GRIP1: variants seen among roughly 807,000 people sequenced by gnomAD.
The protein encoded by GRIP1 is glutamate receptor-interacting protein 1.
GRIP1 carries 45 observed loss-of-function variants against 129.9 expected under a neutral mutation model. The ratio of observed to expected loss-of-function variants is 0.35; its 90% CI spans 0.27 to 0.44. The LOEUF is 0.44. GRIP1 is among the 20% of genes least tolerant of loss of function. The pLI is 1.00. For missense variants in GRIP1, 1,196 were observed against 1,396.8 expected (o/e 0.86, Z 2.29); for synonymous variants, 530 against 520.8 (o/e 1.02, Z -0.24).
chr12:66,999,391 T>C (rs184494016), intron 1 of GRIP1, among the ~76,000 whole-genome samples: 202 of 152,268 alleles, frequency 1.3e-3, no homozygotes, highest in Non-Finnish European at 2.5e-3. Context: ...AGAGTCTTAC[T>C]AGTGGGGGTA....
chr12:66,406,762 A>G lies in GRIP1; in HGVS notation c.1839-334T>C, dbSNP rs898548360. 3.3e-5 allele frequency among the ~76,000 whole-genome samples: 5 copies of G among 152,322 alleles called. 1 individual carries two copies. The highest frequency in any genetic ancestry group is 1.9e-4 in the East Asian group (1 of 5,186). On this transcript the variant is annotated intron_variant, in intron 15 of 24. Coordinates refer to ENST00000359742, the MANE Select transcript of GRIP1 (RefSeq NM_001366722.1). Reference sequence around the variant, plus strand: ...GACCCAGGTATCCTTGTCTTTCTCCATATTGTTGTATTACTTTTGATCCTT... The same window carrying G: ...GACCCAGGTATCCTTGTCTTTCTCCGTATTGTTGTATTACTTTTGATCCTT...
intron 1 of GRIP1, chr12:66,892,055 T>C (rs1448157354): frequency 6.6e-6 from 1 of 152,620 alleles, no homozygotes; most frequent in African/African-American, 2.4e-5. Flanking sequence ...ACTCATGGCA[T>C]CTCAGGGGAA....
intron 1 of GRIP1, among the ~76,000 whole-genome samples, chr12:67,017,598 C>T (rs1036167591): frequency 1.3e-5 from 2 of 152,186 alleles, no homozygotes; most frequent in East Asian, 1.9e-4. Flanking sequence ...GGCGGACTCT[C>T]TTTCCCTTGT....
At chr12:66,575,284 C>T (rs975240273) in intron 2 of GRIP1, among the ~76,000 whole-genome samples, 6 of 152,180 alleles carry the variant, frequency 3.9e-5, no homozygotes, top group African/African-American at 1.4e-4. Context: ...GTAGCAAGCA[C>T]AGTTACATCT....
At chr12:66,861,197 T>C (rs763980416) in intron 1 of GRIP1, among the ~76,000 whole-genome samples, 2 of 152,144 alleles carry the variant, frequency 1.3e-5, no homozygotes, top group Admixed American at 6.6e-5. Context: ...TTATAAATCA[T>C]TGGCATTTAA....
chr12:66,410,901 A>G (rs773212086), intron 15 of GRIP1, among the ~76,000 whole-genome samples: 19 of 152,328 alleles, frequency 1.2e-4, no homozygotes, highest in Middle Eastern at 3.4e-3. Flanking sequence ...AAATAACTGA[A>G]ATCATAACAG....
intron 1 of GRIP1, among the ~76,000 whole-genome samples, chr12:66,826,565 T>C (rs150143605): frequency 3.8e-4 from 58 of 152,236 alleles, no homozygotes; most frequent in African/African-American, 1.4e-3. Context: ...TGTTATTTTA[T>C]GGTAATTGAA....
intron 23 of GRIP1, among the ~76,000 whole-genome samples, chr12:66,367,902 A>G (rs952787832): frequency 2.6e-5 from 4 of 152,188 alleles, no homozygotes; most frequent in Admixed American, 6.5e-5. Context: ...ATGTCTACAA[A>G]GAGGATATAA....
At chr12:67,036,783 CCTT>C (rs1347082064) in intron 1 of GRIP1, among the ~76,000 whole-genome samples, 1 of 152,134 alleles carries the variant, frequency 6.6e-6, no homozygotes, top group African/African-American at 2.4e-5. Context: ...TTCTACGACT[CCTT>C]CTACTTATCC....
At chr12:67,068,450 T>G (rs935930898) in intron 1 of GRIP1, among the ~76,000 whole-genome samples, 1 of 152,050 alleles carries the variant, frequency 6.6e-6, no homozygotes, top group Admixed American at 6.5e-5. Flanking sequence ...CCCCAGACCC[T>G]GATCGAGGGG....
intron 1 of GRIP1, among the ~76,000 whole-genome samples, chr12:66,963,312 C>CA (rs1290427307): frequency 6.6e-6 from 1 of 151,222 alleles, no homozygotes; most frequent in Non-Finnish European, 1.5e-5. Context: ...GACGCTGTCT[C>CA]AAAAAAATAA....
chr12:66,551,651 A>G, intron 2 of GRIP1, among the ~76,000 whole-genome samples: 1 of 139,300 alleles, frequency 7.2e-6, no homozygotes, highest in Middle Eastern at 4.8e-3. Context: ...TTTGCTTACT[A>G]CAGTCTTAAC....
chr12:67,025,497 G>A (rs1369109792), intron 1 of GRIP1, among the ~76,000 whole-genome samples: 1 of 152,192 alleles, frequency 6.6e-6, no homozygotes, highest in Non-Finnish European at 1.5e-5. Flanking sequence ...AAATTATTTT[G>A]TCTTCCAGAC....
At chr12:66,633,658 G>A (rs1400524137) in intron 1 of GRIP1, among the ~76,000 whole-genome samples, 3 of 152,006 alleles carry the variant, frequency 2.0e-5, no homozygotes, top group Non-Finnish European at 4.4e-5. Flanking sequence ...GAAATTTCCC[G>A]AGGTTAAATA....
At chr12:66,495,043 C>T (rs1450051323) in intron 7 of GRIP1, among the ~76,000 whole-genome samples, 1 of 152,174 alleles carries the variant, frequency 6.6e-6, no homozygotes, top group East Asian at 1.9e-4. Flanking sequence ...CTTGTCGATA[C>T]AAACTGCATA....
intron 1 of GRIP1, among the ~76,000 whole-genome samples, chr12:66,598,042 C>T (rs916150389): frequency 2.0e-5 from 3 of 151,964 alleles, no homozygotes; most frequent in Non-Finnish European, 4.4e-5. Context: ...GTTGTTGTTA[C>T]CATTTTATAA....
chr12:66,581,212 CA>C (rs1475490563), intron 2 of GRIP1, among the ~76,000 whole-genome samples: 1 of 152,046 alleles, frequency 6.6e-6, no homozygotes, highest in Non-Finnish European at 1.5e-5. Flanking sequence ...CCAAAGAGAA[CA>C]AAGATACAAC....
intron 2 of GRIP1, among the ~76,000 whole-genome samples, chr12:66,594,240 T>C (rs1234455467): frequency 6.6e-6 from 1 of 152,046 alleles, no homozygotes; most frequent in Non-Finnish European, 1.5e-5. Flanking sequence ...CTTCTTTTCA[T>C]TGGTGCACTT....
intron 1 of GRIP1, among the ~76,000 whole-genome samples, chr12:66,765,966 T>C (rs1452820538): frequency 6.6e-6 from 1 of 152,146 alleles, no homozygotes; most frequent in African/African-American, 2.4e-5. Flanking sequence ...TCTTCAGAAC[T>C]TGCAGACCAC....
Sources: gnomAD v4.1 joint callset for allele counts (sites outside exome capture counted in the v4.1 genomes callset) on GRCh38, gnomAD v4.1.1 for gene constraint, MANE v1.5 for transcripts, NCBI Gene and HGNC (gene_info 2026-07-23, HGNC 2026-07-21) for gene names.